PRDM5: variants seen among roughly 807,000 people sequenced by gnomAD.
PRDM5 encodes the protein PR/SET domain 5, also known as PR domain zinc finger protein 5.
In PRDM5, 56 loss-of-function variants were observed where a neutral mutation model predicts 81.2. That is an observed-to-expected ratio of 0.69 (90% confidence interval 0.56 to 0.86). The LOEUF is 0.86. Among genes scored for constraint, PRDM5 ranks in the 40% least tolerant of loss-of-function variants. The pLI, the probability that PRDM5 is intolerant of heterozygous loss-of-function variation, is 0.00. For synonymous variants in PRDM5, 267 were observed against 256.4 expected, an observed-to-expected ratio of 1.04 and a Z score of -0.39; for missense variants, 697 against 770.1, an observed-to-expected ratio of 0.91 and a Z score of 1.12.
intron 2 of PRDM5, among the ~76,000 whole-genome samples, chr4:120,863,022 G>T (rs1314876783): frequency 6.6e-6 from 1 of 151,376 alleles, no homozygotes; most frequent in Non-Finnish European, 1.5e-5. Flanking sequence ...AGCTGGGCAT[G>T]GTAGCACATG....
chr4:120,902,535 A>G (rs980937794), intron 2 of PRDM5, among the ~76,000 whole-genome samples: 1 of 152,238 alleles, frequency 6.6e-6, no homozygotes, highest in Non-Finnish European at 1.5e-5. Context: ...GAAGAATGGA[A>G]TACAATGCAG....
At position 120,840,967 on chromosome 4, in the gene PRDM5, G is replaced by A. The variant is rs1056383966; in HGVS notation, c.300+12451C>T. Reference sequence around the variant, plus strand: ...TGGCTCACCTCCAGCTGTGCAGCCAGGTATGGGTCTACGGCACAGGGGTTG... The same window carrying A: ...TGGCTCACCTCCAGCTGTGCAGCCAAGTATGGGTCTACGGCACAGGGGTTG... On this transcript the variant is annotated intron_variant, in intron 3 of 15. Coordinates refer to ENST00000264808, the MANE Select transcript of PRDM5 (RefSeq NM_018699.4). Among the ~76,000 whole-genome samples, 5 of 152,322 alleles carry A rather than the reference G, an allele frequency of 3.3e-5. No individual in the cohort carries two copies. The East Asian group carries it at 9.7e-4, about 29-fold the overall frequency.
At chr4:120,750,687 TACACACACACACAC>T (rs56024428) in intron 14 of PRDM5, among the ~76,000 whole-genome samples, 4 of 147,520 alleles carry the variant, frequency 2.7e-5, no homozygotes, top group African/African-American at 7.7e-5. Context: ...TAGTTTCTTT[TACACACACACACAC>T]ACACACACAC....
At chr4:120,839,266 A>G in intron 3 of PRDM5, 2 of 703,118 alleles carry the variant, frequency 2.8e-6, no homozygotes, top group Non-Finnish European at 5.2e-6. Flanking sequence ...CGGGTCCCAA[A>G]TTCTTGTCCT....
intron 2 of PRDM5, among the ~76,000 whole-genome samples, chr4:120,871,958 CT>C (rs1227617839): frequency 6.6e-6 from 1 of 151,778 alleles, no homozygotes; most frequent in East Asian, 1.9e-4. Flanking sequence ...CGAGACCAGC[CT>C]GACCGACATG....
At chr4:120,729,424 G>C (rs539205503) in intron 14 of PRDM5, among the ~76,000 whole-genome samples, 5 of 152,192 alleles carry the variant, frequency 3.3e-5, no homozygotes, top group African/African-American at 1.2e-4. Context: ...GATGAAGGCA[G>C]CATGACTGAG....
At chr4:120,822,629 T>G (rs536516122) in intron 3 of PRDM5, among the ~76,000 whole-genome samples, 18 of 152,186 alleles carry the variant, frequency 1.2e-4, no homozygotes, top group Non-Finnish European at 2.2e-4. Flanking sequence ...TACAGTTATT[T>G]TGAGGATGGG....
In PRDM5 at chr4:120,803,808, T is replaced by C. The variant is rs537663547; in HGVS notation, c.946-4063A>G. On this transcript the variant is annotated intron_variant, in intron 8 of 15. Coordinates refer to ENST00000264808, the MANE Select transcript of PRDM5 (RefSeq NM_018699.4). The stretch of plus-strand genomic sequence containing the variant: ...AAACTGCATCAACTAACGAGCAAAA[T>C]AGCAAGCTAACATCATAATGATAGG... 5.9e-5 allele frequency among the ~76,000 whole-genome samples: 9 copies of C among 152,224 alleles called. No homozygotes were observed. In the South Asian group the frequency reaches 1.9e-3, roughly 32 times the overall value.
At chr4:120,704,789 G>T (rs1333844546) in intron 15 of PRDM5, among the ~76,000 whole-genome samples, 1 of 152,174 alleles carries the variant, frequency 6.6e-6, no homozygotes, top group African/African-American at 2.4e-5. Context: ...GGATCTGGAA[G>T]GATGCATCGC....
At chr4:120,921,688 A>G (rs908920970) in intron 1 of PRDM5, among the ~76,000 whole-genome samples, 2 of 152,162 alleles carry the variant, frequency 1.3e-5, no homozygotes, top group Non-Finnish European at 2.9e-5. Flanking sequence ...ACAAGTTATA[A>G]TATTATAAGA....
intron 2 of PRDM5, among the ~76,000 whole-genome samples, chr4:120,901,777 T>C (rs1200118871): frequency 1.3e-5 from 2 of 152,264 alleles, no homozygotes; most frequent in Non-Finnish European, 2.9e-5. Flanking sequence ...TATCTGGTTC[T>C]TTAGGATTCT....
At chr4:120,722,225 C>T (rs1246281865) in intron 14 of PRDM5, among the ~76,000 whole-genome samples, 1 of 152,156 alleles carries the variant, frequency 6.6e-6, no homozygotes, top group Non-Finnish European at 1.5e-5. Flanking sequence ...TCCACCCACT[C>T]CCTCGAACCT....
At chr4:120,755,832 T>A (rs1329448351) in intron 13 of PRDM5, among the ~76,000 whole-genome samples, 1 of 152,198 alleles carries the variant, frequency 6.6e-6, no homozygotes, top group Non-Finnish European at 1.5e-5. Flanking sequence ...CGGAAGCACC[T>A]GCAGCGGTGT....
At chr4:120,739,724 G>T (rs1741635187) in intron 14 of PRDM5, among the ~76,000 whole-genome samples, 2 of 151,498 alleles carry the variant, frequency 1.3e-5, no homozygotes, top group East Asian at 1.9e-4. Flanking sequence ...AGAGAACCAT[G>T]ATCTAGCATG....
intron 10 of PRDM5, among the ~76,000 whole-genome samples, chr4:120,793,359 T>C (rs1328603610): frequency 6.6e-6 from 1 of 150,714 alleles, no homozygotes; most frequent in Non-Finnish European, 1.5e-5. Context: ...AGCTGAGGGC[T>C]CCCACTGATT....
chr4:120,809,951 T>C (rs985608167), intron 8 of PRDM5, among the ~76,000 whole-genome samples: 1 of 147,548 alleles, frequency 6.8e-6, no homozygotes, highest in African/African-American at 2.4e-5. Context: ...GATCTGTCAC[T>C]GTCTCCCATC....
intron 5 of PRDM5, 190 bp downstream of exon 5, chr4:120,818,163 A>G (rs1754784898): frequency 1.7e-6 from 1 of 580,210 alleles, no homozygotes; most frequent in East Asian, 2.9e-5. Flanking sequence ...TTTAATAATC[A>G]ACATACTATA....
chr4:120,837,317 T>A (rs923714140), intron 3 of PRDM5: 2 of 152,076 alleles, frequency 1.3e-5, no homozygotes, highest in African/African-American at 4.8e-5. Context: ...ATAATAAAAG[T>A]TTTTTATGTT....
At chr4:120,779,821 T>C (rs1014761696) in intron 12 of PRDM5, among the ~76,000 whole-genome samples, 1 of 152,070 alleles carries the variant, frequency 6.6e-6, no homozygotes, top group Non-Finnish European at 1.5e-5. Flanking sequence ...AAGAATTGCT[T>C]GAACCCAGGA....
Sources: gnomAD v4.1 joint callset for allele counts (sites outside exome capture counted in the v4.1 genomes callset) on GRCh38, gnomAD v4.1.1 for gene constraint, MANE v1.5 for transcripts, NCBI Gene and HGNC (gene_info 2026-07-23, HGNC 2026-07-21) for gene names.